The following DSCAML1 variants were observed in gnomAD, a reference collection of about 807,000 sequenced individuals.
DSCAML1 encodes cell adhesion molecule DSCAML1.
A neutral mutation model predicts 200.5 loss-of-function variants in DSCAML1; 38 were observed. The observed-to-expected ratio is 0.19, with a 90% CI of 0.15 to 0.25. The LOEUF (loss-of-function observed/expected upper bound fraction) is 0.25. Among genes scored for constraint, DSCAML1 ranks in the 10% least tolerant of loss-of-function variants. DSCAML1 has a pLI of 1.00. For missense variants in DSCAML1, 2,223 were observed against 2,858.8 expected, an observed-to-expected ratio of 0.78 and a Z score of 5.07; for synonymous variants, 1,215 against 1,165.0, an observed-to-expected ratio of 1.04 and a Z score of -0.87.
intron 3 of DSCAML1, among the ~76,000 whole-genome samples, chr11:117,660,581 T>A (rs1289006772): frequency 6.6e-6 from 1 of 152,028 alleles, no homozygotes; most frequent in East Asian, 1.9e-4. Context: ...GGCTAATAGA[T>A]CCATGGAAAC....
chr11:117,712,292 T>C (rs1428994319), intron 3 of DSCAML1, among the ~76,000 whole-genome samples: 1 of 152,064 alleles, frequency 6.6e-6, no homozygotes, highest in African/African-American at 2.4e-5. Flanking sequence ...AGGTCCTAAA[T>C]GGGTCTAATG....
At chr11:117,638,525 T>C (rs969145162) in intron 3 of DSCAML1, among the ~76,000 whole-genome samples, 5 of 152,170 alleles carry the variant, frequency 3.3e-5, no homozygotes, top group Admixed American at 2.6e-4. Flanking sequence ...CCCACACCCT[T>C]TAGCTATCAC....
intron 1 of DSCAML1, among the ~76,000 whole-genome samples, chr11:117,788,083 T>C (rs2055393739): frequency 6.6e-6 from 1 of 152,198 alleles, no homozygotes; most frequent in South Asian, 2.1e-4. Context: ...TCTTGGAAAC[T>C]GTCTGAGCCC....
intron 1 of DSCAML1, among the ~76,000 whole-genome samples, chr11:117,788,798 A>G (rs2055408754): frequency 6.6e-6 from 1 of 152,248 alleles, no homozygotes; most frequent in African/African-American, 2.4e-5. Context: ...GGTGTTGCAC[A>G]GTTCGCAGTG....
chr11:117,704,318 CT>C (rs2053721311), intron 3 of DSCAML1, among the ~76,000 whole-genome samples: 1 of 152,140 alleles, frequency 6.6e-6, no homozygotes, highest in African/African-American at 2.4e-5. Flanking sequence ...CACATCTGTT[CT>C]TTTTTCTTCC....
intron 3 of DSCAML1, among the ~76,000 whole-genome samples, chr11:117,606,344 G>C (rs538531659): frequency 1.3e-5 from 2 of 152,108 alleles, no homozygotes; most frequent in Admixed American, 6.5e-5. Flanking sequence ...AGAAGTTCTC[G>C]CGGCCTCAGT....
intron 3 of DSCAML1, among the ~76,000 whole-genome samples, chr11:117,686,607 T>A (rs1044086340): frequency 6.6e-6 from 1 of 152,242 alleles, no homozygotes; most frequent in African/African-American, 2.4e-5. Context: ...GTGGCCAATT[T>A]GGTCATACTC....
chr11:117,763,354 T>C (rs888467745), intron 3 of DSCAML1, among the ~76,000 whole-genome samples: 6 of 151,752 alleles, frequency 4.0e-5, no homozygotes, highest in Non-Finnish European at 5.9e-5. Flanking sequence ...AGTGGGCAGC[T>C]GGGGTCCGGG....
At chr11:117,654,352 A>G (rs1306849252) in intron 3 of DSCAML1, among the ~76,000 whole-genome samples, 2 of 152,196 alleles carry the variant, frequency 1.3e-5, no homozygotes, top group East Asian at 3.9e-4. Flanking sequence ...ATGGTATAAG[A>G]ATTCTATCTC....
chr11:117,731,305 T>C (rs2054214856), intron 3 of DSCAML1, among the ~76,000 whole-genome samples: 1 of 152,164 alleles, frequency 6.6e-6, no homozygotes, highest in Non-Finnish European at 1.5e-5. Flanking sequence ...TGAGAAGTTA[T>C]GACGCCAGAA....
Position 117,432,441 on chromosome 11 carries a change from C to T in DSCAML1, c.5090G>A (p.Ser1697Asn), listed in dbSNP as rs1207864827. The T allele has an allele frequency of 6.2e-7, 1 of 1,614,172 alleles. No individual in the cohort carries two copies. Among genetic ancestry groups the T allele is most frequent in the South Asian group, 1.1e-5 (1 of 91,072 alleles). The stretch of plus-strand genomic sequence containing the variant: ...GTGCAAGGAGACGCCAGTACAGAAG[C>T]TCTGTGGGTTGACAGCTTGGCTGAA... The part of the protein sequence containing the change: ...AEFSQAVNPQ[S>N]FCTGVSLHHP... Residue 1697 changes from serine to asparagine, a missense_variant, in exon 30 of 33, where the codon AGC (serine) becomes AAC (asparagine). Ser to Asn is a conservative substitution (Grantham distance 46). This residue lies in a region of DSCAML1 where 614 missense variants were observed against 739.1 expected (regional missense o/e 0.83). Transcript: ENST00000651296.
At chr11:117,582,687 G>T (rs2051063901) in intron 3 of DSCAML1, among the ~76,000 whole-genome samples, 1 of 152,174 alleles carries the variant, frequency 6.6e-6, no homozygotes, top group African/African-American at 2.4e-5. Context: ...TATCCGCAGG[G>T]CCCTGCCAGG....
intron 3 of DSCAML1, among the ~76,000 whole-genome samples, chr11:117,602,262 G>A (rs371007510): frequency 1.3e-5 from 2 of 152,200 alleles, no homozygotes; most frequent in East Asian, 1.9e-4. Context: ...GCTCCACGAC[G>A]GGCCCTGGGC....
intron 16 of DSCAML1, among the ~76,000 whole-genome samples, chr11:117,468,938 C>T (rs1301722814): frequency 6.6e-6 from 1 of 152,158 alleles, no homozygotes; most frequent in East Asian, 1.9e-4. Context: ...GACAATTGGT[C>T]CCTGATTAAG....
chr11:117,734,553 G>C (rs1392577300), intron 3 of DSCAML1, among the ~76,000 whole-genome samples: 1 of 152,120 alleles, frequency 6.6e-6, no homozygotes, highest in Non-Finnish European at 1.5e-5. Flanking sequence ...ACCTTGAATT[G>C]TTACCTCCTC....
In DSCAML1 at chr11:117,532,393, G is replaced by C. The variant is rs781134529; in HGVS notation, c.641C>G (p.Ala214Gly). 7 of 1,613,890 alleles carry C rather than the reference G, an allele frequency of 4.3e-6. No homozygotes were observed. The highest frequency in any genetic ancestry group is 5.1e-6 in the Non-Finnish European group (6 of 1,179,922). ...TCCCCTACCTGTCACAGAGAGGCGTGCCCCATTGCTCTGCCGGGTCTCCCC... is the reference window on the plus strand; with the variant it reads ...TCCCCTACCTGTCACAGAGAGGCGTCCCCCATTGCTCTGCCGGGTCTCCCC... ...YSGETRQSNG[A>G]RLSVTDPAES... Residue 214 changes from alanine to glycine, a missense_variant, in exon 4 of 33, where the codon GCA (alanine) becomes GGA (glycine). Around this residue, in one of 7 missense-constraint regions of DSCAML1, gnomAD observed 579 missense variants for 721.5 expected, o/e 0.80. Transcript: ENST00000651296.
intron 3 of DSCAML1, among the ~76,000 whole-genome samples, chr11:117,693,633 T>C (rs1301669426): frequency 6.6e-6 from 1 of 152,008 alleles, no homozygotes; most frequent in Non-Finnish European, 1.5e-5. Flanking sequence ...CTGGGAGAAA[T>C]AAATTCTGGG....
intron 3 of DSCAML1, among the ~76,000 whole-genome samples, chr11:117,613,661 C>T (rs951121937): frequency 3.9e-5 from 6 of 152,222 alleles, no homozygotes; most frequent in Admixed American, 3.3e-4. Flanking sequence ...CCCTCCCTGC[C>T]AGGAGACTTT....
At chr11:117,466,177 A>G (rs1592620938) in intron 16 of DSCAML1, among the ~76,000 whole-genome samples, 1 of 152,264 alleles carries the variant, frequency 6.6e-6, no homozygotes, top group East Asian at 1.9e-4. Context: ...CAGAATAGCC[A>G]GAAGGTGGAA....
Sources: gnomAD v4.1 joint callset for allele counts (sites outside exome capture counted in the v4.1 genomes callset) on GRCh38, gnomAD v4.1.1 for gene constraint, gnomAD v4.1.1 regional missense constraint, MANE v1.5 for transcripts, NCBI Gene and HGNC (gene_info 2026-07-23, HGNC 2026-07-21) for gene names.